EZR: variants seen among roughly 807,000 people sequenced by gnomAD.
The protein encoded by EZR is ezrin, also known as cytovillin 2.
A neutral mutation model predicts 74.8 loss-of-function variants in EZR; 40 were observed. That is an observed-to-expected ratio of 0.53 (90% CI 0.42 to 0.70). EZR has a LOEUF of 0.70. Among genes scored for constraint, EZR ranks in the 30% least tolerant of loss-of-function variants. The pLI is 0.00. For synonymous variants in EZR, 341 were observed against 283.3 expected (o/e 1.20, Z -2.05); for missense variants, 678 against 755.8 (o/e 0.90, Z 1.21).
chr6:158,800,428 T>C (rs936444018), intron 2 of EZR, among the ~76,000 whole-genome samples: 1 of 152,232 alleles, frequency 6.6e-6, no homozygotes, highest in Non-Finnish European at 1.5e-5. Flanking sequence ...CCTGTTCTGA[T>C]AAGCGTTCTC....
At chr6:158,809,928 T>C (rs944656163) in intron 2 of EZR, among the ~76,000 whole-genome samples, 1 of 152,194 alleles carries the variant, frequency 6.6e-6, no homozygotes, top group Admixed American at 6.5e-5. Flanking sequence ...CCTAAGATGA[T>C]AGTTTACCTA....
intron 2 of EZR, among the ~76,000 whole-genome samples, chr6:158,804,402 T>C (rs781492631): frequency 1.3e-5 from 2 of 152,216 alleles, no homozygotes; most frequent in Non-Finnish European, 2.9e-5. Context: ...AAAGGGACCT[T>C]GAACAAGAAT....
chr6:158,796,926 C>G (rs1025429006), intron 2 of EZR, among the ~76,000 whole-genome samples: 1 of 152,102 alleles, frequency 6.6e-6, no homozygotes, highest in Non-Finnish European at 1.5e-5. Flanking sequence ...TCTTAAAATG[C>G]CTTCTAAGAG....
chr6:158,787,248 CA>C (rs763319535), intron 3 of EZR, 45 bp from the exon 4 acceptor site: 1 of 1,527,392 alleles, frequency 6.5e-7, no homozygotes, highest in Admixed American at 1.7e-5. Flanking sequence ...GAAACTCACT[CA>C]AAAGGGCAAC....
intron 2 of EZR, among the ~76,000 whole-genome samples, chr6:158,812,046 C>A (rs1233827449): frequency 1.9e-5 from 2 of 106,578 alleles, no homozygotes; most frequent in Non-Finnish European, 4.7e-5. Flanking sequence ...CTGGGCACTG[C>A]CAAATGAAGC....
intron 13 of EZR, 46 bp from the exon 14 acceptor site, chr6:158,767,124 G>A (rs1790905131): frequency 1.9e-6 from 3 of 1,606,782 alleles, no homozygotes; most frequent in Admixed American, 3.4e-5. Context: ...TCCCCATATG[G>A]CCCGGCCCGT....
At chr6:158,797,008 G>A (rs1777085799) in intron 2 of EZR, among the ~76,000 whole-genome samples, 2 of 152,298 alleles carry the variant, frequency 1.3e-5, no homozygotes, top group Admixed American at 6.5e-5. Context: ...GAATATAATT[G>A]CTGAATATTT....
Position 158,783,671 on chromosome 6 carries a change from T to C in EZR, c.552-5A>G, listed in dbSNP as rs771650082. ...TATTCCAACATAGCATTATCTCTAA[T>C]TGGGGAGAGTGAAACAGGCAGAGTC... On this transcript the variant is annotated splice_region_variant and splice_polypyrimidine_tract_variant and intron_variant, in intron 6 of 13. Coordinates refer to ENST00000367075, the MANE Select transcript of EZR (RefSeq NM_001111077.2). 5.0e-6 allele frequency: 8 copies of C among 1,612,982 alleles called. No individual in the cohort carries two copies. The highest frequency in any genetic ancestry group is 6.8e-6 in the Non-Finnish European group (8 of 1,179,434).
In EZR at chr6:158,802,565, CTT is replaced by C. The variant is rs537953756; in HGVS notation, c.13-13196_13-13195del. 8.5e-5 allele frequency among the ~76,000 whole-genome samples: 13 copies of C among 152,254 alleles called. No homozygotes were observed. In the South Asian group the frequency reaches 2.1e-3, roughly 24 times the overall value. The stretch of plus-strand genomic sequence containing the variant: ...TTGTTTTTTGAGGCGGAGTTTCACT[CTT>C]GTTGCCCAGGCTGGAGTGCAGTGGC... On this transcript the variant is annotated intron_variant, in intron 2 of 13. Transcript: ENST00000367075.
intron 2 of EZR, among the ~76,000 whole-genome samples, chr6:158,801,045 A>G (rs1022422999): frequency 6.6e-6 from 1 of 152,206 alleles, no homozygotes; most frequent in Non-Finnish European, 1.5e-5. Flanking sequence ...CAATGTGGGA[A>G]GATCACTTGG....
At chr6:158,769,479 G>A (rs909940583) in intron 11 of EZR, 61 bp from the exon 12 acceptor site, 4 of 1,515,826 alleles carry the variant, frequency 2.6e-6, no homozygotes, top group Non-Finnish European at 3.6e-6. Flanking sequence ...GTCCAGTTGT[G>A]AATGAGTGTT....
At chr6:158,803,884 C>T (rs1427313092) in intron 2 of EZR, among the ~76,000 whole-genome samples, 2 of 151,626 alleles carry the variant, frequency 1.3e-5, no homozygotes, top group Non-Finnish European at 2.9e-5. Context: ...AAATCATGAC[C>T]TTAGAACTAG....
chr6:158,815,178 T>G (rs1027789271), intron 2 of EZR, among the ~76,000 whole-genome samples: 1 of 152,264 alleles, frequency 6.6e-6, no homozygotes, highest in East Asian at 1.9e-4. Context: ...AAAGGACACA[T>G]CCACAGAGCT....
chr6:158,776,112 T>C (rs1388272939), intron 8 of EZR, among the ~76,000 whole-genome samples: 3 of 152,140 alleles, frequency 2.0e-5, no homozygotes, highest in Non-Finnish European at 4.4e-5. Context: ...TGCACCCAGG[T>C]GGTCAAGGGG....
intron 12 of EZR, among the ~76,000 whole-genome samples, chr6:158,769,007 G>A (rs1286554390): frequency 6.6e-6 from 1 of 152,176 alleles, no homozygotes; most frequent in Non-Finnish European, 1.5e-5. Flanking sequence ...TTCCTGACCG[G>A]GGGCTGTCAG....
chr6:158,775,058 G>A (rs1045879781), intron 8 of EZR, among the ~76,000 whole-genome samples: 2 of 118,420 alleles, frequency 1.7e-5, no homozygotes, highest in South Asian at 2.8e-4. Context: ...TTTTTGAGAC[G>A]GAGTCTAGCT....
intron 9 of EZR, 119 bp downstream of exon 9, chr6:158,771,124 GA>G: frequency 7.0e-7 from 1 of 1,430,214 alleles, no homozygotes; most frequent in Non-Finnish European, 9.4e-7. Flanking sequence ...CCAGCGTGGT[GA>G]CTGGGTTCCA....
chr6:158,770,118 C>T (rs1583555032), intron 10 of EZR, among the ~76,000 whole-genome samples, 174 bp from the exon 11 acceptor site: 1 of 152,236 alleles, frequency 6.6e-6, no homozygotes, highest in Non-Finnish European at 1.5e-5. Context: ...CTGCTGTATC[C>T]ATGACAACTT....
At chr6:158,811,236 T>C (rs1777444443) in intron 2 of EZR, among the ~76,000 whole-genome samples, 4 of 152,222 alleles carry the variant, frequency 2.6e-5, no homozygotes, top group Non-Finnish European at 1.5e-5. Flanking sequence ...ATTGGAGTAC[T>C]TGGGGAGTCT....
Sources: gnomAD v4.1 joint callset for allele counts (sites outside exome capture counted in the v4.1 genomes callset) on GRCh38, gnomAD v4.1.1 for gene constraint, MANE v1.5 for transcripts, NCBI Gene and HGNC (gene_info 2026-07-23, HGNC 2026-07-21) for gene names.